ABTB3: variants seen among roughly 807,000 people sequenced by gnomAD.
ABTB3 encodes the protein ankyrin repeat and BTB domain containing 3.
the ABTB3 span, among the ~76,000 whole-genome samples, chr12:107,395,175 CATTG>C: frequency 6.6e-6 from 1 of 152,208 alleles, no homozygotes; most frequent in African/African-American, 2.4e-5. Context: ...GCCCCACTGC[CATTG>C]AGTTGACCTG....
chr12:107,320,881 G>T, the ABTB3 span, among the ~76,000 whole-genome samples: 1 of 151,782 alleles, frequency 6.6e-6, no homozygotes, highest in African/African-American at 2.4e-5. Context: ...TCTGGAGGGG[G>T]TTGTTAGTTT....
At chr12:107,366,230 C>T in the ABTB3 span, among the ~76,000 whole-genome samples, 1 of 152,174 alleles carries the variant, frequency 6.6e-6, no homozygotes, top group Non-Finnish European at 1.5e-5. Context: ...ACACAGTAGG[C>T]AGTTCACAGA....
chr12:107,573,172 A>C, the ABTB3 span, among the ~76,000 whole-genome samples: 2 of 152,320 alleles, frequency 1.3e-5, no homozygotes, highest in East Asian at 3.9e-4. Flanking sequence ...TGTATTGTGC[A>C]TAATCAGGGT....
At chr12:107,402,892 A>G in the ABTB3 span, among the ~76,000 whole-genome samples, 7 of 152,322 alleles carry the variant, frequency 4.6e-5, no homozygotes, top group East Asian at 1.2e-3. Context: ...GGATAGTGAC[A>G]GTGGCTTTTG....
At chr12:107,470,018 C>CTCTCTCTTTCTTTCTT in the ABTB3 span, among the ~76,000 whole-genome samples, 1 of 115,564 alleles carries the variant, frequency 8.7e-6, no homozygotes, top group African/African-American at 3.3e-5. Flanking sequence ...CTTTCTCTCT[C>CTCTCTCTTTCTTTCTT]TCTCTCTCTC....
the ABTB3 span, among the ~76,000 whole-genome samples, chr12:107,331,379 AC>A: frequency 1.3e-5 from 2 of 152,112 alleles, no homozygotes; most frequent in Non-Finnish European, 2.9e-5. Flanking sequence ...GTCAAACTGC[AC>A]CCATGACAGT....
the ABTB3 span, among the ~76,000 whole-genome samples, chr12:107,328,512 T>A: frequency 6.6e-6 from 1 of 152,200 alleles, no homozygotes; most frequent in Non-Finnish European, 1.5e-5. Context: ...TTGTATTACG[T>A]GTCTGTCTTT....
the ABTB3 span, among the ~76,000 whole-genome samples, chr12:107,475,275 C>T: frequency 7.9e-5 from 12 of 152,180 alleles, no homozygotes; most frequent in Admixed American, 1.3e-4. Flanking sequence ...TGACTTTGAC[C>T]TTTCTCAGCC....
the ABTB3 span, chr12:107,649,529 G>T: frequency 4.2e-6 from 2 of 478,680 alleles, no homozygotes; most frequent in Non-Finnish European, 7.6e-6. Context: ...AGTAGCCACT[G>T]AGTGAAACCC....
chr12:107,567,564 G>A, the ABTB3 span, among the ~76,000 whole-genome samples: 1 of 152,148 alleles, frequency 6.6e-6, no homozygotes, highest in Non-Finnish European at 1.5e-5. Flanking sequence ...TCCCTTATAG[G>A]CTAGGTGTGT....
At chr12:107,337,255 G>T in the ABTB3 span, among the ~76,000 whole-genome samples, 3 of 152,200 alleles carry the variant, frequency 2.0e-5, no homozygotes, top group African/African-American at 7.2e-5. Flanking sequence ...GACTTGTATG[G>T]GGTTGCACAG....
At chr12:107,649,111 G>A in the ABTB3 span, 2 of 1,079,744 alleles carry the variant, frequency 1.9e-6, no homozygotes, top group South Asian at 2.7e-5. Context: ...ATGTCCTAGA[G>A]GTCTCAGGAA....
chr12:107,618,457 G>A, the ABTB3 span: 263 of 1,235,586 alleles, frequency 2.1e-4, 2 homozygotes, highest in African/African-American at 5.7e-4. Context: ...ACGCACATGC[G>A]CGCACACATA....
At chr12:107,507,818 CT>C in the ABTB3 span, among the ~76,000 whole-genome samples, 1 of 152,202 alleles carries the variant, frequency 6.6e-6, no homozygotes, top group Non-Finnish European at 1.5e-5. Flanking sequence ...ATCAGCTCGT[CT>C]TTCAATCATC....
chr12:107,418,969 G>A, the ABTB3 span, among the ~76,000 whole-genome samples: 1 of 152,162 alleles, frequency 6.6e-6, no homozygotes, highest in African/African-American at 2.4e-5. Context: ...TACTTGCCCA[G>A]GTAGCAGATG....
the ABTB3 span, among the ~76,000 whole-genome samples, chr12:107,435,876 G>T: frequency 6.6e-6 from 1 of 152,196 alleles, no homozygotes; most frequent in African/African-American, 2.4e-5. Flanking sequence ...TATCTGTGCT[G>T]TCCAACACAG....
the ABTB3 span, chr12:107,612,722 G>C: frequency 6.8e-7 from 1 of 1,473,456 alleles, no homozygotes. Flanking sequence ...TGTTATTGTC[G>C]ATTGACCACA....
the ABTB3 span, among the ~76,000 whole-genome samples, chr12:107,400,557 C>T: frequency 1.2e-3 from 176 of 152,150 alleles, 1 homozygote; most frequent in East Asian, 0.013. Flanking sequence ...TTTTCTAGCC[C>T]GAGTCTCCTT....
the ABTB3 span, among the ~76,000 whole-genome samples, chr12:107,472,709 G>A: frequency 2.0e-5 from 3 of 152,218 alleles, no homozygotes; most frequent in Non-Finnish European, 4.4e-5. Context: ...GGGAACATCC[G>A]CCGTTCGGTT....
Sources: allele counts gnomAD v4.1 joint callset (sites outside exome capture counted in the v4.1 genomes callset), GRCh38; gene constraint gnomAD v4.1.1; transcripts MANE v1.5; gene names NCBI Gene and HGNC (gene_info 2026-07-23, HGNC 2026-07-21).